Variants in FBXW11 observed in about 807,000 individuals in gnomAD.
FBXW11 encodes F-box/WD repeat-containing protein 11.
A neutral mutation model predicts 77.6 loss-of-function variants in FBXW11; 19 were observed. That is an observed-to-expected ratio of 0.24 (90% CI 0.17 to 0.36). The LOEUF (loss-of-function observed/expected upper bound fraction) is 0.36, where lower values mean the gene tolerates loss of function less well. Ranked by LOEUF, FBXW11 falls within the 10% of genes least tolerant of loss-of-function variation. The probability of loss-of-function intolerance (pLI) is 1.00; values close to 1 mark genes in which losing one functional copy is unlikely to be tolerated. For missense variants in FBXW11, 334 were observed against 704.2 expected (o/e 0.47, Z 5.95); for synonymous variants, 235 against 249.4 (o/e 0.94, Z 0.54).
chr5:171,993,396 A>G (rs1232361697), intron 1 of FBXW11, among the ~76,000 whole-genome samples: 4 of 151,946 alleles, frequency 2.6e-5, no homozygotes, highest in Admixed American at 1.3e-4. Flanking sequence ...GGTGGATCAC[A>G]AGGTCAAGAG....
At chr5:171,997,711 C>T (rs576475314) in intron 1 of FBXW11, among the ~76,000 whole-genome samples, 1 of 152,250 alleles carries the variant, frequency 6.6e-6, no homozygotes, top group African/African-American at 2.4e-5. Context: ...CTAGGTGACA[C>T]CATTAAATAT....
chr5:171,897,547 C>T lies in FBXW11; in HGVS notation c.714+1457G>A, dbSNP rs554193601. Reference sequence around the variant, plus strand: ...GGTGGTGTCAGATACTGTCATGCCACAGAATACTGAATTCACATTGTCAAT... The same window carrying T: ...GGTGGTGTCAGATACTGTCATGCCATAGAATACTGAATTCACATTGTCAAT... On this transcript the variant is annotated intron_variant, in intron 6 of 13. Transcript: ENST00000517395. Among the ~76,000 whole-genome samples the T allele has an allele frequency of 2.6e-5, 4 of 152,312 alleles. No homozygotes were observed. In the South Asian group the frequency reaches 8.3e-4, roughly 32 times the overall value.
At chr5:171,881,816 T>C (rs1160150938) in intron 7 of FBXW11, among the ~76,000 whole-genome samples, 1 of 152,244 alleles carries the variant, frequency 6.6e-6, no homozygotes, top group Non-Finnish European at 1.5e-5. Flanking sequence ...ACTGTGTCTT[T>C]CAGGGAATTA....
At chr5:171,897,231 A>G (rs973955024) in intron 6 of FBXW11, among the ~76,000 whole-genome samples, 3 of 152,262 alleles carry the variant, frequency 2.0e-5, no homozygotes, top group Non-Finnish European at 4.4e-5. Context: ...AGTATCTGGC[A>G]TAAGTAAATG....
rs200618306 is a variant in FBXW11, at chr5:171,915,613, C to CTGTGTGTGTGTGTGTGTGTGTGTGTG, written c.148-1234_148-1209dup. Among the ~76,000 whole-genome samples the CTGTGTGTGTGTGTGTGTGTGTGTGTG allele has an allele frequency of 1.8e-3, 234 of 129,608 alleles. 1 individual carries two copies. Among genetic ancestry groups the CTGTGTGTGTGTGTGTGTGTGTGTGTG allele is most frequent in the East Asian group, 6.0e-3 (23 of 3,848 alleles). 85.0% of individuals were successfully genotyped at this position (129,608 alleles called of 152,430 possible). A position where few individuals can be genotyped will look rare whatever the true frequency, so the allele number is the denominator to read the frequency against. On this transcript the variant is annotated intron_variant, in intron 2 of 13. Transcript: ENST00000517395. Reference sequence around the variant, plus strand: ...TGGATTCCTGATTTGGTCACTCATTCTGTGTGTGTGTGTGTGTGTGTGTGT... The same window carrying CTGTGTGTGTGTGTGTGTGTGTGTGTG: ...TGGATTCCTGATTTGGTCACTCATTCTGTGTGTGTGTGTGTGTGTGTGTGTGTGTGTGTGTGTGTGTGTGTGTGTGT...
At chr5:171,948,234 CAAAAAAA>C (rs765248373) in intron 2 of FBXW11, among the ~76,000 whole-genome samples, 1 of 44,336 alleles carries the variant, frequency 2.3e-5, no homozygotes, top group Admixed American at 2.3e-4. Context: ...GACTCCAACT[CAAAAAAA>C]AAAAAAAAAA....
At chr5:171,962,811 T>C (rs1340344355) in intron 1 of FBXW11, among the ~76,000 whole-genome samples, 1 of 152,198 alleles carries the variant, frequency 6.6e-6, no homozygotes, top group Non-Finnish European at 1.5e-5. Context: ...TGTTTTTAGA[T>C]GGGATTGTTT....
intron 10 of FBXW11, 148 bp downstream of exon 10, chr5:171,872,724 G>A: frequency 1.6e-6 from 1 of 638,522 alleles, no homozygotes; most frequent in Non-Finnish European, 2.8e-6. Flanking sequence ...AGTATACAGA[G>A]CCCAAATACA....
chr5:171,962,617 C>G (rs1183277734), intron 1 of FBXW11, among the ~76,000 whole-genome samples: 1 of 151,948 alleles, frequency 6.6e-6, no homozygotes, highest in Non-Finnish European at 1.5e-5. Context: ...TCAGTAAAGA[C>G]AAAAAGAATA....
intron 2 of FBXW11, among the ~76,000 whole-genome samples, chr5:171,952,448 T>TATATATATATA (rs1491271340): frequency 1.6e-3 from 17 of 10,866 alleles, no homozygotes; most frequent in African/African-American, 3.5e-3. Context: ...TATATATATA[T>TATATATATATA]TTTTTTTTTT....
intron 2 of FBXW11, among the ~76,000 whole-genome samples, chr5:171,935,319 A>G (rs1193137831): frequency 6.6e-6 from 1 of 152,186 alleles, no homozygotes; most frequent in South Asian, 2.1e-4. Flanking sequence ...CTGGTTATAC[A>G]ACTCTGTGAC....
chr5:171,942,573 G>A (rs1483427973), intron 2 of FBXW11, among the ~76,000 whole-genome samples: 1 of 152,222 alleles, frequency 6.6e-6, no homozygotes, highest in African/African-American at 2.4e-5. Context: ...GCCAAAGCAG[G>A]CAGATCACTT....
rs142925285 is a variant in FBXW11, at chr5:171,964,013, A to G, written c.46-6315T>C. 2.4e-3 allele frequency among the ~76,000 whole-genome samples: 370 copies of G among 152,350 alleles called. 3 individuals are homozygous for G. Among genetic ancestry groups the G allele is most frequent in the African/African-American group, 8.7e-3 (361 of 41,582 alleles). ...CAAATCACTGCTACAGACAATGATG[A>G]GACAGCTATTAAACTGTTTTAAGCA... On this transcript the variant is annotated intron_variant, in intron 1 of 13. Coordinates refer to ENST00000517395, the MANE Select transcript of FBXW11 (RefSeq NM_001378974.1).
In FBXW11 at chr5:171,991,881, G is replaced by A. The variant is rs377691754; in HGVS notation, c.45+14577C>T. On this transcript the variant is annotated intron_variant, in intron 1 of 13. Transcript: ENST00000517395. ...TGTAATCCCAGCACTTTGGGAGGCCGAGGTGGGAGGATCACTTGAGGTCAG... is the reference window on the plus strand; with the variant it reads ...TGTAATCCCAGCACTTTGGGAGGCCAAGGTGGGAGGATCACTTGAGGTCAG... Among the ~76,000 whole-genome samples the A allele has an allele frequency of 7.4e-4, 112 of 151,624 alleles. No individual in the cohort carries two copies. The South Asian group carries it at 0.01, about 14-fold the overall frequency.
rs1465683536 is a variant in FBXW11 at position 171,878,601 on chromosome 5, A to AGT, written c.853-473_853-472insAC. ...GTGTGTGTGTGTGTGTAAGAGAGAG[A>AGT]GAGTGTGTGTGTGTGTGTGTGTGTG... On this transcript the variant is annotated intron_variant, in intron 7 of 13. Coordinates refer to ENST00000517395, the MANE Select transcript of FBXW11 (RefSeq NM_001378974.1). Among the ~76,000 whole-genome samples the AGT allele has an allele frequency of 1.9e-4, 13 of 69,212 alleles. 1 individual carries two copies. The South Asian group carries it at 2.6e-3, about 14-fold the overall frequency. 45.4% of individuals were successfully genotyped at this position (69,212 alleles called of 152,430 possible).
intron 1 of FBXW11, among the ~76,000 whole-genome samples, chr5:171,998,567 C>T (rs993053933): frequency 2.2e-4 from 34 of 151,288 alleles, no homozygotes; most frequent in African/African-American, 7.5e-4. Context: ...GAGGCCGAGG[C>T]GGGCAGATCA....
At position 171,883,057 on chromosome 5, in the gene FBXW11, T is replaced by C. The variant is rs190310423; in HGVS notation, c.853-4928A>G. Among the ~76,000 whole-genome samples the C allele has an allele frequency of 1.1e-4, 17 of 152,322 alleles. No homozygotes were observed. In the East Asian group the frequency reaches 3.3e-3, roughly 29 times the overall value. The stretch of plus-strand genomic sequence containing the variant: ...TGATGTTTGGTTTTTCATCCTGAGT[T>C]ACTTTGCTTAGAATAACAGTCTCCA... On this transcript the variant is annotated intron_variant, in intron 7 of 13. Transcript: ENST00000517395.
intron 10 of FBXW11, among the ~76,000 whole-genome samples, chr5:171,872,255 T>C (rs890948348): frequency 3.3e-5 from 5 of 152,226 alleles, no homozygotes; most frequent in Admixed American, 3.3e-4. Flanking sequence ...CCTATCTTTA[T>C]TTTGACCAAA....
At chr5:171,874,349 A>G (rs1757938726) in intron 9 of FBXW11, among the ~76,000 whole-genome samples, 2 of 152,242 alleles carry the variant, frequency 1.3e-5, no homozygotes, top group Admixed American at 1.3e-4. Flanking sequence ...ATAATAAAAG[A>G]GACAAATAAT....
Sources: gnomAD v4.1 joint callset for allele counts (sites outside exome capture counted in the v4.1 genomes callset) on GRCh38, gnomAD v4.1.1 for gene constraint, MANE v1.5 for transcripts, NCBI Gene and HGNC (gene_info 2026-07-23, HGNC 2026-07-21) for gene names.